The following RAB11FIP1 variants were observed in gnomAD, a reference collection of about 807,000 sequenced individuals.
RAB11FIP1 encodes the protein rab11 family-interacting protein 1.
A neutral mutation model predicts 83.1 loss-of-function variants in RAB11FIP1; 49 were observed. That is an observed-to-expected ratio of 0.59 (90% CI 0.47 to 0.75). The LOEUF (loss-of-function observed/expected upper bound fraction) is 0.75, where lower values mean the gene tolerates loss of function less well. Ranked by LOEUF, RAB11FIP1 falls within the 30% of genes least tolerant of loss-of-function variation. RAB11FIP1 has a pLI of 0.00. For missense variants in RAB11FIP1, 1,536 were observed against 1,598.7 expected (o/e 0.96, Z 0.67); for synonymous variants, 670 against 656.0 (o/e 1.02, Z -0.33).
Position 37,899,425 on chromosome 8 carries a change from G to C in RAB11FIP1, c.17C>G (p.Ser6Trp), listed in dbSNP as rs760406991. 28 of 1,577,170 alleles carry C rather than the reference G, an allele frequency of 1.8e-5. No individual in the cohort carries two copies. In the South Asian group the frequency reaches 3.0e-4, roughly 17 times the overall value. ...CACGGCCCCCAGGCCCCGGCCAGCC[G>C]AGACCATTAGGGACATGGTGACGAT... The part of the protein sequence containing the change: MSLMV[S>W]AGRGLGAVWS... The change falls in exon 1 of 6, where the codon TCG (serine) becomes TGG (tryptophan). Residue 6 changes from serine to tryptophan, a missense_variant. Physicochemically the swap from Ser to Trp is radical, Grantham distance 177 (BLOSUM62 -3). Coordinates refer to ENST00000330843, the MANE Select transcript of RAB11FIP1 (RefSeq NM_001002814.3). The surrounding 1 kb of genome is among the most constrained non-coding windows in gnomAD (Gnocchi z 4.5).
Position 37,875,178 on chromosome 8 carries a change from T to C in RAB11FIP1, c.959A>G (p.Asn320Ser), listed in dbSNP as rs1345533355. ...DVLSRSNVCI[N>S]GNHVYLEQPE... ...CTGCTCCAGGTAAACATGGTTCCCATTGATGCAGACATTAGAGCGGGAAAG... is the reference window on the plus strand; with the variant it reads ...CTGCTCCAGGTAAACATGGTTCCCACTGATGCAGACATTAGAGCGGGAAAG... The change falls in exon 3 of 6, where the codon AAT becomes AGT. Residue 320 changes from asparagine (N) to serine (S), a missense_variant. Asn to Ser is a conservative substitution (Grantham distance 46). Transcript: ENST00000330843. 15 of 1,613,980 alleles carry C rather than the reference T, an allele frequency of 9.3e-6. No individual in the cohort carries two copies. The highest frequency in any genetic ancestry group is 3.3e-5 in the Admixed American group (2 of 59,998).
Position 37,862,942 on chromosome 8 carries a change from T to C in RAB11FIP1, c.3805A>G (p.Ile1269Val), listed in dbSNP as rs949518428. 1 of 1,613,712 alleles carries C rather than the reference T, an allele frequency of 6.2e-7. No individual in the cohort carries two copies. Among genetic ancestry groups the C allele is most frequent in the Non-Finnish European group, 8.5e-7 (1 of 1,179,870 alleles). ...LVRVMEETPN[I>V]LRIPTQVGKK... ...CCAACCTGAGTCGGGATGCGGAGGA[T>C]ATTGGGGGTTTCTTCCATGACCCTG... The change falls in exon 6 of 6, where the codon ATC (isoleucine) becomes GTC (valine). Residue 1269 changes from isoleucine (I) to valine (V), a missense_variant. Ile to Val is a conservative substitution (Grantham distance 29). Coordinates refer to ENST00000330843, the MANE Select transcript of RAB11FIP1 (RefSeq NM_001002814.3).
In RAB11FIP1 at chr8:37,874,706, C is replaced by T. The variant is rs769660934; in HGVS notation, c.1431G>A (p.Ser477=). The change falls in exon 3 of 6, where the codon TCG becomes TCA. Residue 477 remains serine, a synonymous_variant. Coordinates refer to ENST00000330843, the MANE Select transcript of RAB11FIP1 (RefSeq NM_001002814.3). ...TTCTCACAAGGTCTTCAGCAGGCCC[C>T]GATGCGTCCTCCCCCGGCTTAACCC... The part of the protein sequence containing the change: ...LMGVKPGEDA[S]GPAEDLVRRS... 3.7e-6 allele frequency: 6 copies of T among 1,614,192 alleles called. No homozygotes were observed. The highest frequency in any genetic ancestry group is 2.2e-5 in the East Asian group (1 of 44,882).
Position 37,861,527 on chromosome 8 carries a change from G to A in RAB11FIP1, c.*1368C>T, listed in dbSNP as rs1806231985. ...TCCAATCCATGGTCTCCTGTCCCCT[G>A]TAGAGTGAAGGGGCTTCTTTTTTTC... On this transcript the variant is annotated 3_prime_UTR_variant, in exon 6 of 6. Transcript: ENST00000330843. 1 of 442,748 alleles carries A rather than the reference G, an allele frequency of 2.3e-6. No individual in the cohort carries two copies. Among genetic ancestry groups the A allele is most frequent in the African/African-American group, 2.1e-5 (1 of 48,516 alleles). The allele number at this position is 442,748 out of a possible 1,614,324, so 27.4% of individuals were successfully genotyped here. A position where few individuals can be genotyped will look rare whatever the true frequency, so the allele number is the denominator to read the frequency against.
intron 5 of RAB11FIP1, among the ~76,000 whole-genome samples, chr8:37,869,437 CA>C (rs1375869059): frequency 5.9e-5 from 9 of 151,340 alleles, no homozygotes; most frequent in Admixed American, 1.3e-4. Context: ...ACTAAAAATA[CA>C]AAAATTAGCC....
In RAB11FIP1 at chr8:37,872,190, C is replaced by T. The variant is rs1806483056; in HGVS notation, c.2612G>A (p.Gly871Glu). The change falls in exon 4 of 6, where the codon GGG becomes GAG. Residue 871 changes from glycine to glutamate, a missense_variant. Physicochemically the swap from Gly to Glu is moderately conservative, Grantham distance 98. Coordinates refer to ENST00000330843, the MANE Select transcript of RAB11FIP1 (RefSeq NM_001002814.3). ...GGCTGGCGCACCACACGTCGCTGGC[C>T]CAGGTGTGGTCACCGATTCCCTTTC... Reference protein sequence around the residue: ...DSERESVTTPGPATCGAPASP... With the variant: ...DSERESVTTPEPATCGAPASP... 1 of 1,613,998 alleles carries T rather than the reference C, an allele frequency of 6.2e-7. No homozygotes were observed. The highest frequency in any genetic ancestry group is 1.7e-5 in the Admixed American group (1 of 60,000).
rs201374448 is a variant in RAB11FIP1, at chr8:37,877,356, G to A, written c.567C>T (p.Ala189=). The change falls in exon 2 of 6, where the codon GCC becomes GCT. Residue 189 remains alanine (A), a synonymous_variant. Transcript: ENST00000330843. Reference sequence around the variant, plus strand: ...GTGTCGTGCTAGGGATGATGGCGGAGGCGGTGTCTGACCCACTGTCCTTAT... The same window carrying A: ...GTGTCGTGCTAGGGATGATGGCGGAAGCGGTGTCTGACCCACTGTCCTTAT... ...GKNKDSGSDT[A]SAIIPSTTPS... 2.0e-5 allele frequency: 32 copies of A among 1,614,026 alleles called. No individual in the cohort carries two copies. Among genetic ancestry groups the A allele is most frequent in the Non-Finnish European group, 1.4e-5 (17 of 1,180,024 alleles).
chr8:37,884,081 A>T (rs1034845727), intron 1 of RAB11FIP1, among the ~76,000 whole-genome samples: 1 of 152,054 alleles, frequency 6.6e-6, no homozygotes, highest in Non-Finnish European at 1.5e-5. Context: ...TTTTTGAGAC[A>T]GAGTCTCATT....
intron 1 of RAB11FIP1, among the ~76,000 whole-genome samples, chr8:37,895,263 T>A (rs1238248238): frequency 0.066 from 765 of 11,530 alleles, no homozygotes; most frequent in Non-Finnish European, 0.071. Context: ...ATATATATTT[T>A]TTTTTTTTTT....
intron 3 of RAB11FIP1, among the ~76,000 whole-genome samples, chr8:37,873,632 C>T (rs532361717): frequency 6.6e-6 from 1 of 151,922 alleles, no homozygotes; most frequent in South Asian, 2.1e-4. Flanking sequence ...TAACACTTAA[C>T]ATACACAACA....
intron 3 of RAB11FIP1, among the ~76,000 whole-genome samples, chr8:37,873,617 A>G (rs1009933854): frequency 6.6e-6 from 1 of 151,904 alleles, no homozygotes; most frequent in Non-Finnish European, 1.5e-5. Flanking sequence ...AAAAAAAAGG[A>G]ACACTAACAC....
At chr8:37,875,716 C>T (rs1436445309) in intron 2 of RAB11FIP1, among the ~76,000 whole-genome samples, 2 of 151,970 alleles carry the variant, frequency 1.3e-5, no homozygotes, top group African/African-American at 4.8e-5. Flanking sequence ...AGGCTATATC[C>T]CACGAGGGTT....
chr8:37,858,811 T>C lies in RAB11FIP1; in HGVS notation c.*4084A>G, dbSNP rs1345323748. ...TGGGACTCCTGGGAACCAGGCAAGA[T>C]GGCAGCAACAGAAATCCCAGTGAGA... On this transcript the variant is annotated 3_prime_UTR_variant, in exon 6 of 6. Coordinates refer to ENST00000330843, the MANE Select transcript of RAB11FIP1 (RefSeq NM_001002814.3). 6.6e-6 allele frequency: 1 copy of C among 152,224 alleles called. No individual in the cohort carries two copies. The highest frequency in any genetic ancestry group is 1.5e-5 in the Non-Finnish European group (1 of 68,076). 9.4% of individuals were successfully genotyped at this position (152,224 alleles called of 1,614,324 possible). A position where few individuals can be genotyped will look rare whatever the true frequency, so the allele number is the denominator to read the frequency against.
In RAB11FIP1 at chr8:37,894,701, C is replaced by CATATATATATACATATATATATACATAT. The variant is rs200697328; in HGVS notation, c.371+4369_371+4370insATATGTATATATATATGTATATATATAT. Among the ~76,000 whole-genome samples the CATATATATATACATATATATATACATAT allele has an allele frequency of 1.1e-3, 158 of 144,276 alleles. 3 individuals carry two copies. Among genetic ancestry groups the CATATATATATACATATATATATACATAT allele is most frequent in the African/African-American group, 3.9e-3 (147 of 37,494 alleles). 94.7% of individuals were successfully genotyped at this position (144,276 alleles called of 152,430 possible). ...ATTTTGATTTATATATACATAAATA[C>CATATATATATACATATATATATACATAT]ATATATATACATATATATATACATA... On this transcript the variant is annotated intron_variant, in intron 1 of 5. Coordinates refer to ENST00000330843, the MANE Select transcript of RAB11FIP1 (RefSeq NM_001002814.3).
rs190954206 is a variant in RAB11FIP1 at position 37,880,360 on chromosome 8, G to A, written c.372-2809C>T. Among the ~76,000 whole-genome samples, 38 of 152,150 alleles carry A rather than the reference G, an allele frequency of 2.5e-4. 1 individual carries two copies. Among genetic ancestry groups the A allele is most frequent in the African/African-American group, 9.2e-4 (38 of 41,480 alleles). ...GTCCCCCAGGCTGGAGTGCAATGGC[G>A]CGATCTCGGCTCACTGCAACCTCCG... On this transcript the variant is annotated intron_variant, in intron 1 of 5. Coordinates refer to ENST00000330843, the MANE Select transcript of RAB11FIP1 (RefSeq NM_001002814.3).
chr8:37,879,266 C>T (rs1806687812), intron 1 of RAB11FIP1, among the ~76,000 whole-genome samples: 1 of 152,024 alleles, frequency 6.6e-6, no homozygotes, highest in Non-Finnish European at 1.5e-5. Flanking sequence ...CAAGATCATG[C>T]CACTGCACTC....
At position 37,870,289 on chromosome 8, in the gene RAB11FIP1, C is replaced by T; in HGVS notation, c.3633+131G>A. Reference sequence around the variant, plus strand: ...TGTCTGGGGGCTTCCAAAGTTTACTCAAAGACTCAAGATGTATGACTAAGT... The same window carrying T: ...TGTCTGGGGGCTTCCAAAGTTTACTTAAAGACTCAAGATGTATGACTAAGT... On this transcript the variant is annotated intron_variant, in intron 5 of 5. Coordinates refer to ENST00000330843, the MANE Select transcript of RAB11FIP1 (RefSeq NM_001002814.3). 5.7e-6 allele frequency: 3 copies of T among 524,682 alleles called. No homozygotes were observed. In the South Asian group the frequency reaches 9.3e-5, roughly 16 times the overall value. 32.5% of individuals were successfully genotyped at this position (524,682 alleles called of 1,614,324 possible). A position where few individuals can be genotyped will look rare whatever the true frequency, so the allele number is the denominator to read the frequency against.
chr8:37,897,562 A>G (rs1807113901), intron 1 of RAB11FIP1, among the ~76,000 whole-genome samples: 1 of 151,074 alleles, frequency 6.6e-6, no homozygotes, highest in East Asian at 1.9e-4. Flanking sequence ...ATAATTCGGT[A>G]ATATCATGGA....
Position 37,863,018 on chromosome 8 carries a change from C to A in RAB11FIP1, c.3729G>T (p.Lys1243Asn), listed in dbSNP as rs757432363. Residue 1243 changes from lysine (K) to asparagine (N), a missense_variant, in exon 6 of 6, where the codon AAG becomes AAT. Physicochemically the swap from Lys to Asn is moderately conservative, Grantham distance 94 (BLOSUM62 0). Coordinates refer to ENST00000330843, the MANE Select transcript of RAB11FIP1 (RefSeq NM_001002814.3). ...LVLKQKETIS[K>N]KEFQVRELED... ...CCAGCTCGCGGACCTGGAACTCCTT[C>A]TTGCTTATCGTTTCCTTCTGTTTGA... 1 of 1,613,736 alleles carries A rather than the reference C, an allele frequency of 6.2e-7. No homozygotes were observed. Among genetic ancestry groups the A allele is most frequent in the Non-Finnish European group, 8.5e-7 (1 of 1,180,014 alleles).
Sources: allele counts gnomAD v4.1 joint callset (sites outside exome capture counted in the v4.1 genomes callset), GRCh38; gene constraint gnomAD v4.1.1; non-coding constraint Gnocchi (gnomAD v3.1); transcripts MANE v1.5; gene names NCBI Gene and HGNC (gene_info 2026-07-23, HGNC 2026-07-21).